The following TENM4 variants were observed in gnomAD, a reference collection of about 807,000 sequenced individuals.
TENM4 encodes teneurin-4.
Under a neutral mutation model 243.3 loss-of-function variants are expected in TENM4, and 82 were observed. That is an observed-to-expected ratio of 0.34 (90% CI 0.28 to 0.40). The LOEUF is 0.40. TENM4 is among the 10% of genes least tolerant of loss of function. The probability of loss-of-function intolerance (pLI) is 1.00; values close to 1 mark genes in which losing one functional copy is unlikely to be tolerated. For synonymous variants in TENM4, 1,412 were observed against 1,456.3 expected, an observed-to-expected ratio of 0.97 and a Z score of 0.69; for missense variants, 3,138 against 3,673.3, an observed-to-expected ratio of 0.85 and a Z score of 3.77.
chr11:79,112,940 A>G lies in TENM4; in HGVS notation c.-66+35770T>C, dbSNP rs1202807671. On this transcript the variant is annotated intron_variant, in intron 4 of 33. Transcript: ENST00000278550. ...CATATTGACAAAGGCAGAAAAGATC[A>G]GTTCTCACTTCCATCAAGCACTAAC... 2.6e-5 allele frequency among the ~76,000 whole-genome samples: 4 copies of G among 152,188 alleles called. No homozygotes were observed. In the East Asian group the frequency reaches 7.7e-4, roughly 29 times the overall value.
chr11:78,924,110 C>T (rs535831638), intron 6 of TENM4, among the ~76,000 whole-genome samples: 1 of 152,194 alleles, frequency 6.6e-6, no homozygotes, highest in African/African-American at 2.4e-5. Context: ...CTGCCTTGGC[C>T]TCCCAAAGTG....
chr11:79,177,138 T>C (rs1296248628), intron 3 of TENM4, among the ~76,000 whole-genome samples: 1 of 152,172 alleles, frequency 6.6e-6, no homozygotes, highest in Non-Finnish European at 1.5e-5. Context: ...TTTAAACCTT[T>C]TTTTTTTCAA....
Position 78,920,189 on chromosome 11 carries a change from C to T in TENM4, c.494-16666G>A, listed in dbSNP as rs968631455. On this transcript the variant is annotated intron_variant, in intron 6 of 33. Coordinates refer to ENST00000278550, the MANE Select transcript of TENM4 (RefSeq NM_001098816.3). ...CACTATTTCCTCAGACCATCGATAT[C>T]AACTCAGCCAAGCACTCCTTTCTCA... 6.6e-5 allele frequency among the ~76,000 whole-genome samples: 10 copies of T among 152,172 alleles called. No homozygotes were observed. The South Asian group carries it at 1.5e-3, about 22-fold the overall frequency.
intron 12 of TENM4, among the ~76,000 whole-genome samples, chr11:78,845,605 T>A (rs776660631): frequency 1.3e-5 from 2 of 152,082 alleles, no homozygotes; most frequent in Non-Finnish European, 2.9e-5. Context: ...CCTAAGAGGG[T>A]GTTACCGAAC....
chr11:79,194,507 C>T (rs1002428016), intron 3 of TENM4, among the ~76,000 whole-genome samples: 7 of 152,066 alleles, frequency 4.6e-5, no homozygotes, highest in Non-Finnish European at 1.0e-4. Context: ...CTGAGGTGGT[C>T]TCCAGTGGAG....
intron 4 of TENM4, among the ~76,000 whole-genome samples, chr11:79,145,496 T>C (rs542828914): frequency 6.6e-6 from 1 of 152,216 alleles, no homozygotes; most frequent in East Asian, 1.9e-4. Flanking sequence ...TAAAGTTTCT[T>C]TGTGCCTGCT....
chr11:78,893,194 GT>G (rs1475990933), intron 7 of TENM4, among the ~76,000 whole-genome samples: 3 of 152,228 alleles, frequency 2.0e-5, no homozygotes, highest in Non-Finnish European at 4.4e-5. Flanking sequence ...CTTCAGAGGT[GT>G]GGACATCCCT....
At chr11:79,295,851 CGTAA>C (rs1021703160) in intron 2 of TENM4, among the ~76,000 whole-genome samples, 6 of 147,540 alleles carry the variant, frequency 4.1e-5, no homozygotes, top group Admixed American at 6.7e-5. Context: ...AAATTACACC[CGTAA>C]GTGTTTTTTT....
intron 3 of TENM4, among the ~76,000 whole-genome samples, chr11:79,155,125 C>T (rs938224224): frequency 6.6e-6 from 1 of 152,250 alleles, no homozygotes; most frequent in East Asian, 1.9e-4. Flanking sequence ...TAGCTTGTCT[C>T]CCCTGAGACC....
At chr11:79,156,163 A>T (rs1862611714) in intron 3 of TENM4, among the ~76,000 whole-genome samples, 1 of 152,014 alleles carries the variant, frequency 6.6e-6, no homozygotes, top group African/African-American at 2.4e-5. Context: ...TATCCAGGAA[A>T]CTCCAGAGGG....
At chr11:78,859,764 G>T (rs775441518) in intron 10 of TENM4, among the ~76,000 whole-genome samples, 1 of 152,202 alleles carries the variant, frequency 6.6e-6, no homozygotes, top group Non-Finnish European at 1.5e-5. Context: ...CTGTTTTGGA[G>T]AGCCCAGCTG....
chr11:79,003,651 T>C (rs942091538), intron 6 of TENM4, among the ~76,000 whole-genome samples: 4 of 151,332 alleles, frequency 2.6e-5, no homozygotes, highest in Non-Finnish European at 5.9e-5. Flanking sequence ...TGCAAGGGAG[T>C]GCTAAATATG....
chr11:78,925,813 C>A (rs1392032488), intron 6 of TENM4, among the ~76,000 whole-genome samples: 1 of 151,626 alleles, frequency 6.6e-6, no homozygotes, highest in Non-Finnish European at 1.5e-5. Flanking sequence ...GGATCCTGTC[C>A]CAGCTACACT....
intron 3 of TENM4, among the ~76,000 whole-genome samples, chr11:79,155,139 A>G (rs1054032636): frequency 2.0e-5 from 3 of 152,054 alleles, no homozygotes; most frequent in Admixed American, 6.6e-5. Flanking sequence ...TGAGACCACA[A>G]CAGCCCCAAG....
chr11:78,895,920 G>A (rs1855782599), intron 7 of TENM4, among the ~76,000 whole-genome samples: 1 of 152,188 alleles, frequency 6.6e-6, no homozygotes, highest in African/African-American at 2.4e-5. Context: ...TAAGTGGTGG[G>A]CTGTTCTTAA....
At position 79,064,367 on chromosome 11, in the gene TENM4, A is replaced by G. The variant is rs541487554; in HGVS notation, c.493+371T>C. 1.6e-4 allele frequency among the ~76,000 whole-genome samples: 25 copies of G among 152,290 alleles called. No individual in the cohort carries two copies. In the South Asian group the frequency reaches 1.7e-3, roughly 10 times the overall value. ...GACAGCTGAGCACCTGGAGCTAGAG[A>G]TGGCATGAGCAGGATTCAGGCAGGA... On this transcript the variant is annotated intron_variant, in intron 6 of 33. Transcript: ENST00000278550.
chr11:79,067,466 T>G (rs1860293258), intron 5 of TENM4, among the ~76,000 whole-genome samples: 1 of 152,190 alleles, frequency 6.6e-6, no homozygotes. Flanking sequence ...ACTCACGTGT[T>G]ATGAAGAATG....
intron 7 of TENM4, among the ~76,000 whole-genome samples, chr11:78,894,374 AATAC>A (rs1350766803): frequency 6.6e-6 from 1 of 152,244 alleles, no homozygotes; most frequent in African/African-American, 2.4e-5. Flanking sequence ...TAAACAAAAA[AATAC>A]ATTCAGAGAA....
intron 2 of TENM4, among the ~76,000 whole-genome samples, chr11:79,252,273 C>T (rs1383436515): frequency 6.6e-6 from 1 of 152,190 alleles, no homozygotes; most frequent in Admixed American, 6.5e-5. Context: ...CTTGCTCTGT[C>T]GCCCAGGCTG....
Sources: gnomAD v4.1 joint callset for allele counts (sites outside exome capture counted in the v4.1 genomes callset) on GRCh38, gnomAD v4.1.1 for gene constraint, MANE v1.5 for transcripts, NCBI Gene and HGNC (gene_info 2026-07-23, HGNC 2026-07-21) for gene names.